The following RAB2A variants were observed in gnomAD, a reference collection of about 807,000 sequenced individuals.
RAB2A encodes the protein ras-related protein Rab-2A.
RAB2A carries 7 observed loss-of-function variants against 32.5 expected under a neutral mutation model. The observed-to-expected ratio is 0.22, with a 90% CI of 0.12 to 0.40. The LOEUF is 0.40. Among genes scored for constraint, RAB2A ranks in the 10% least tolerant of loss-of-function variants. RAB2A has a pLI of 1.00. For missense variants in RAB2A, 108 were observed against 260.7 expected, an observed-to-expected ratio of 0.41 and a Z score of 4.03; for synonymous variants, 79 against 85.2, an observed-to-expected ratio of 0.93 and a Z score of 0.40.
intron 3 of RAB2A, among the ~76,000 whole-genome samples, chr8:60,583,129 G>A (rs992050618): frequency 2.0e-5 from 3 of 151,998 alleles, no homozygotes; most frequent in Non-Finnish European, 1.5e-5. Flanking sequence ...GGTAGAATAT[G>A]AGCCGTCCAT....
At chr8:60,542,512 CAAA>C (rs5891766) in intron 1 of RAB2A, among the ~76,000 whole-genome samples, 1 of 149,138 alleles carries the variant, frequency 6.7e-6, no homozygotes, top group Non-Finnish European at 1.5e-5. Context: ...GAGAATCCGT[CAAA>C]AAAAAAAGAA....
At chr8:60,546,421 A>G (rs1807727959) in intron 1 of RAB2A, among the ~76,000 whole-genome samples, 2 of 152,212 alleles carry the variant, frequency 1.3e-5, no homozygotes, top group Admixed American at 1.3e-4. Flanking sequence ...ATGGAGAAGC[A>G]GGTAATAAAG....
chr8:60,603,108 A>C (rs1347629657), intron 6 of RAB2A, among the ~76,000 whole-genome samples: 2 of 152,168 alleles, frequency 1.3e-5, no homozygotes, highest in Admixed American at 1.3e-4. Flanking sequence ...TGTTTTTTAT[A>C]ATCTGTTGAG....
chr8:60,598,386 A>G (rs1194894089), intron 6 of RAB2A, among the ~76,000 whole-genome samples: 1 of 152,190 alleles, frequency 6.6e-6, no homozygotes, highest in African/African-American at 2.4e-5. Context: ...ACACTTCCCT[A>G]TTTATTTTAT....
chr8:60,565,462 A>G (rs572639457), intron 2 of RAB2A, among the ~76,000 whole-genome samples: 1 of 151,856 alleles, frequency 6.6e-6, no homozygotes, highest in African/African-American at 2.4e-5. Context: ...GGTGGAAATG[A>G]AAGTATACTT....
intron 6 of RAB2A, among the ~76,000 whole-genome samples, chr8:60,609,446 A>C (rs1346613683): frequency 1.3e-5 from 2 of 152,172 alleles, no homozygotes; most frequent in African/African-American, 4.8e-5. Context: ...ATGTCGGCCC[A>C]CCAAAAGGAT....
intron 2 of RAB2A, among the ~76,000 whole-genome samples, chr8:60,570,352 C>G (rs1347229635): frequency 6.6e-6 from 1 of 152,166 alleles, no homozygotes; most frequent in Admixed American, 6.5e-5. Context: ...AAAGCCTCTA[C>G]TCTGTCTGAT....
At chr8:60,569,461 G>T (rs1240929571) in intron 2 of RAB2A, among the ~76,000 whole-genome samples, 1 of 152,082 alleles carries the variant, frequency 6.6e-6, no homozygotes, top group African/African-American at 2.4e-5. Context: ...CAAAATCTTT[G>T]TTTAAAGATT....
At chr8:60,585,282 T>TTTTTGTTTTG (rs112024465) in intron 5 of RAB2A, among the ~76,000 whole-genome samples, 6,331 of 148,604 alleles carry the variant, frequency 0.043, 326 homozygotes, top group African/African-American at 0.12. Context: ...GGCACCATTC[T>TTTTTGTTTTG]TTTTGTTTTG....
At chr8:60,539,194 G>C (rs1586068842) in intron 1 of RAB2A, among the ~76,000 whole-genome samples, 1 of 152,280 alleles carries the variant, frequency 6.6e-6, no homozygotes, top group South Asian at 2.1e-4. Flanking sequence ...AAAGGCAAAT[G>C]TTACTGCTCC....
intron 5 of RAB2A, among the ~76,000 whole-genome samples, chr8:60,585,670 A>G (rs545829952): frequency 5.4e-4 from 83 of 152,320 alleles, no homozygotes; most frequent in Admixed American, 1.1e-3. Flanking sequence ...GTTTTTAGAT[A>G]GGTAAAATCA....
intron 6 of RAB2A, among the ~76,000 whole-genome samples, chr8:60,612,268 TC>T (rs1030937348): frequency 5.9e-4 from 90 of 152,294 alleles, no homozygotes; most frequent in African/African-American, 2.1e-3. Context: ...AATGCCATAT[TC>T]CCCAAACCTT....
chr8:60,586,117 C>T (rs1803842302), intron 5 of RAB2A, among the ~76,000 whole-genome samples: 1 of 151,982 alleles, frequency 6.6e-6, no homozygotes, highest in Non-Finnish European at 1.5e-5. Context: ...CCGGGCAACA[C>T]AGGGAGACTC....
At chr8:60,583,994 GACTACATGTGC>G (rs1451453627) in intron 3 of RAB2A, 2 of 412,406 alleles carry the variant, frequency 4.8e-6, no homozygotes, top group African/African-American at 2.0e-5. Context: ...TTGCAGGAGC[GACTACATGTGC>G]ACTACATGTG....
chr8:60,529,776 A>G (rs1019698272), intron 1 of RAB2A, among the ~76,000 whole-genome samples: 1 of 152,018 alleles, frequency 6.6e-6, no homozygotes, highest in African/African-American at 2.4e-5. Flanking sequence ...TCACTTATGG[A>G]CATCTTAAAG....
At chr8:60,603,167 T>C (rs1274687751) in intron 6 of RAB2A, among the ~76,000 whole-genome samples, 1 of 152,236 alleles carries the variant, frequency 6.6e-6, no homozygotes, top group East Asian at 1.9e-4. Context: ...TAGAGAAATT[T>C]TAATGCACAG....
intron 1 of RAB2A, among the ~76,000 whole-genome samples, chr8:60,518,506 GTT>G (rs1186894575): frequency 0.085 from 12,181 of 143,196 alleles, 1,517 homozygotes; most frequent in African/African-American, 0.28. Context: ...AAGTACAAAA[GTT>G]AGCCGGGCGT....
intron 6 of RAB2A, among the ~76,000 whole-genome samples, chr8:60,606,802 A>C (rs1411407229): frequency 6.6e-6 from 1 of 152,254 alleles, no homozygotes; most frequent in African/African-American, 2.4e-5. Context: ...TGGCTGAGAT[A>C]CACAAGCAGT....
At chr8:60,537,997 TTCC>T (rs1807583290) in intron 1 of RAB2A, among the ~76,000 whole-genome samples, 1 of 152,200 alleles carries the variant, frequency 6.6e-6, no homozygotes, top group Non-Finnish European at 1.5e-5. Flanking sequence ...AGTTTTATTC[TTCC>T]TGATTTTTCT....
Sources: allele counts gnomAD v4.1 joint callset (sites outside exome capture counted in the v4.1 genomes callset), GRCh38; gene constraint gnomAD v4.1.1; transcripts MANE v1.5; gene names NCBI Gene and HGNC (gene_info 2026-07-23, HGNC 2026-07-21).